PIK3C2G: variants seen among roughly 807,000 people sequenced by gnomAD.
The protein encoded by PIK3C2G is phosphatidylinositol 3-kinase C2 domain-containing subunit gamma.
A neutral mutation model predicts 181.1 loss-of-function variants in PIK3C2G; 168 were observed. The ratio of observed to expected loss-of-function variants is 0.93; its 90% CI spans 0.82 to 1.05. The LOEUF is 1.05. Ranked by LOEUF, PIK3C2G falls within the 50% of genes least tolerant of loss-of-function variation. PIK3C2G has a pLI of 0.00. For synonymous variants in PIK3C2G, 573 were observed against 592.2 expected (o/e 0.97, Z 0.47); for missense variants, 1,869 against 1,732.8 (o/e 1.08, Z -1.40).
At chr12:18,609,979 T>C (rs896734025) in intron 31 of PIK3C2G, among the ~76,000 whole-genome samples, 6 of 152,042 alleles carry the variant, frequency 3.9e-5, no homozygotes, top group Non-Finnish European at 5.9e-5. Context: ...AAAATAATAG[T>C]GTTTTGAGAA....
intron 18 of PIK3C2G, among the ~76,000 whole-genome samples, chr12:18,432,855 ATC>A (rs1368901907): frequency 6.6e-6 from 1 of 152,200 alleles, no homozygotes; most frequent in African/African-American, 2.4e-5. Flanking sequence ...CGTTTATGAT[ATC>A]TCATGCCCAA....
intron 25 of PIK3C2G, among the ~76,000 whole-genome samples, chr12:18,544,643 G>A (rs1268871619): frequency 1.3e-5 from 2 of 151,712 alleles, no homozygotes; most frequent in African/African-American, 2.4e-5. Context: ...GGGCAGTGGT[G>A]GCAGTGTAAA....
intron 13 of PIK3C2G, 71 bp from the exon 14 acceptor site, chr12:18,381,695 C>T (rs770275223): frequency 5.4e-5 from 49 of 901,800 alleles, no homozygotes; most frequent in Middle Eastern, 2.2e-4. Flanking sequence ...CAAAAGAAAA[C>T]ATTTACAGAT....
chr12:18,491,907 T>C (rs776368848), intron 20 of PIK3C2G, among the ~76,000 whole-genome samples: 2 of 152,162 alleles, frequency 1.3e-5, no homozygotes, highest in Admixed American at 6.5e-5. Context: ...AATTTCATGG[T>C]TTATTTAGAC....
intron 18 of PIK3C2G, chr12:18,425,007 AG>A: frequency 5.7e-6 from 1 of 175,282 alleles, no homozygotes; most frequent in Non-Finnish European, 1.2e-5. Flanking sequence ...GAGAAAGATG[AG>A]GGGGAGGAGA....
At chr12:18,464,725 G>A (rs904659775) in intron 18 of PIK3C2G, among the ~76,000 whole-genome samples, 1 of 151,886 alleles carries the variant, frequency 6.6e-6, no homozygotes, top group Non-Finnish European at 1.5e-5. Flanking sequence ...TGCAAATTTT[G>A]TGTGGGCAAA....
chr12:18,288,039 G>A (rs1402590189), intron 3 of PIK3C2G, among the ~76,000 whole-genome samples: 1 of 152,060 alleles, frequency 6.6e-6, no homozygotes, highest in African/African-American at 2.4e-5. Context: ...GCAGGCGCCT[G>A]TAATCCCAGC....
chr12:18,607,827 T>C (rs1376692104), intron 30 of PIK3C2G, among the ~76,000 whole-genome samples: 3 of 152,058 alleles, frequency 2.0e-5, no homozygotes, highest in Admixed American at 6.6e-5. Flanking sequence ...ATCCAGAATC[T>C]ACAATGAACT....
At chr12:18,284,376 C>T (rs1239920679) in intron 2 of PIK3C2G, among the ~76,000 whole-genome samples, 1 of 151,308 alleles carries the variant, frequency 6.6e-6, no homozygotes, top group Non-Finnish European at 1.5e-5. Flanking sequence ...AATCATAAGG[C>T]AAATAAGACA....
At chr12:18,683,134 T>A in the PIK3C2G span, 2 of 943,910 alleles carry the variant, frequency 2.1e-6, no homozygotes, top group African/African-American at 3.3e-5. Context: ...TCTAGTTTTA[T>A]GAGTAATTAT....
intron 13 of PIK3C2G, 139 bp downstream of exon 13, chr12:18,371,450 C>G (rs553923687): frequency 1.5e-6 from 1 of 675,824 alleles, no homozygotes; most frequent in Non-Finnish European, 2.3e-6. Flanking sequence ...TAAATCGTGA[C>G]TGCTGAAATC....
the PIK3C2G span, among the ~76,000 whole-genome samples, chr12:18,657,254 G>T: frequency 6.6e-6 from 1 of 152,150 alleles, no homozygotes; most frequent in Non-Finnish European, 1.5e-5. Flanking sequence ...GGGGGCGAAA[G>T]ACTGGGAAAT....
chr12:18,631,469 C>A (rs2136727869), intron 31 of PIK3C2G, among the ~76,000 whole-genome samples: 1 of 152,220 alleles, frequency 6.6e-6, no homozygotes, highest in Middle Eastern at 3.4e-3. Context: ...GGATTTTCTT[C>A]TTCTGTAATG....
chr12:18,611,297 A>G (rs1592712193), intron 31 of PIK3C2G, among the ~76,000 whole-genome samples: 1 of 152,102 alleles, frequency 6.6e-6, no homozygotes, highest in African/African-American at 2.4e-5. Context: ...GAGAACCTCT[A>G]TAATACCAAT....
chr12:18,524,121 G>A (rs1475154191), intron 24 of PIK3C2G, among the ~76,000 whole-genome samples: 1 of 152,082 alleles, frequency 6.6e-6, no homozygotes, highest in African/African-American at 2.4e-5. Flanking sequence ...GGTACTCCTA[G>A]CATTTCCTTT....
chr12:18,708,920 G>A, the PIK3C2G span, among the ~76,000 whole-genome samples: 1 of 152,010 alleles, frequency 6.6e-6, no homozygotes, highest in East Asian at 1.9e-4. Flanking sequence ...TCCCTTATCA[G>A]ATACATGGTT....
At chr12:18,547,663 AC>A (rs1314139539) in intron 26 of PIK3C2G, among the ~76,000 whole-genome samples, 4 of 151,748 alleles carry the variant, frequency 2.6e-5, no homozygotes, top group Non-Finnish European at 5.9e-5. Flanking sequence ...ACAAAACAAA[AC>A]AAAAAAAACC....
intron 7 of PIK3C2G, among the ~76,000 whole-genome samples, chr12:18,322,104 G>T (rs1240308544): frequency 6.6e-6 from 1 of 152,120 alleles, no homozygotes; most frequent in Non-Finnish European, 1.5e-5. Flanking sequence ...AATAAAATTG[G>T]CCAAGTGCGG....
intron 18 of PIK3C2G, chr12:18,425,288 C>T (rs1945731170): frequency 6.6e-6 from 1 of 151,714 alleles, no homozygotes; most frequent in Non-Finnish European, 1.5e-5. Flanking sequence ...TTCTGTATGA[C>T]ATTACATTAG....
Sources: allele counts gnomAD v4.1 joint callset (sites outside exome capture counted in the v4.1 genomes callset), GRCh38; gene constraint gnomAD v4.1.1; transcripts MANE v1.5; gene names NCBI Gene and HGNC (gene_info 2026-07-23, HGNC 2026-07-21).